N4BP3: variants seen among roughly 807,000 people sequenced by gnomAD.
N4BP3 encodes NEDD4 binding protein 3, also known as NEDD4-binding protein 3.
N4BP3 carries 33 observed loss-of-function variants against 43.8 expected under a neutral mutation model. That is an observed-to-expected ratio of 0.75 (90% confidence interval 0.57 to 1.01). N4BP3 has a LOEUF of 1.01. Ranked by LOEUF, N4BP3 falls within the 50% of genes least tolerant of loss-of-function variation. The probability of loss-of-function intolerance (pLI) is 0.00; values close to 1 mark genes in which losing one functional copy is unlikely to be tolerated. For synonymous variants in N4BP3, 326 were observed against 321.9 expected (o/e 1.01, Z -0.14); for missense variants, 756 against 744.2 (o/e 1.02, Z -0.18).
chr5:178,120,341 G>C lies in N4BP3; in HGVS notation c.494G>C (p.Ser165Thr), dbSNP rs541231258. The C allele has an allele frequency of 8.2e-5, 132 of 1,607,290 alleles. No individual in the cohort carries two copies. Among genetic ancestry groups the C allele is most frequent in the Non-Finnish European group, 1.1e-4 (126 of 1,176,102 alleles). ...HPPLSPGPRA[S>T]QARAQLLHAL... is the part of the protein sequence containing the mutation. Reference sequence around the variant, plus strand: ...CCCCTGAGCCCCGGGCCCCGGGCCAGCCAGGCCCGGGCACAGCTGCTGCAC... The same window carrying C: ...CCCCTGAGCCCCGGGCCCCGGGCCACCCAGGCCCGGGCACAGCTGCTGCAC... Residue 165 changes from serine to threonine, a missense_variant, in exon 3 of 5, where the codon AGC (serine) becomes ACC (threonine). Coordinates refer to ENST00000274605, the MANE Select transcript of N4BP3 (RefSeq NM_015111.2).
At position 178,120,622 on chromosome 5, in the gene N4BP3, G is replaced by GGAGCC; in HGVS notation, c.777_781dup (p.Val261GlufsTer39). On this transcript the variant is annotated frameshift_variant, in exon 3 of 5. Coordinates refer to ENST00000274605, the MANE Select transcript of N4BP3 (RefSeq NM_015111.2). LOFTEE classifies it high-confidence loss of function. ...CTCCTGCTCCTCTGCCGAGGAAATGGGAGCCGTGCTGCCCGAGACCTGTGA... is the reference window on the plus strand; with the variant it reads ...CTCCTGCTCCTCTGCCGAGGAAATGGGAGCCGAGCCGTGCTGCCCGAGACCTGTGA... 6.2e-7 allele frequency: 1 copy of GGAGCC among 1,610,274 alleles called. No individual in the cohort carries two copies. The highest frequency in any genetic ancestry group is 8.5e-7 in the Non-Finnish European group (1 of 1,179,958).
Position 178,115,661 on chromosome 5 carries a change from G to A in N4BP3, c.-31+1890G>A, listed in dbSNP as rs1372907993. Among the ~76,000 whole-genome samples the A allele has an allele frequency of 3.3e-5, 5 of 152,336 alleles. No homozygotes were observed. The South Asian group carries it at 1.0e-3, about 32-fold the overall frequency. On this transcript the variant is annotated intron_variant, in intron 1 of 4. Transcript: ENST00000274605. ...CTCAGTTTCCTCTTGTGAAGTGGGGGATGACAGAACTCATCTCCTGTGTGT... is the reference window on the plus strand; with the variant it reads ...CTCAGTTTCCTCTTGTGAAGTGGGGAATGACAGAACTCATCTCCTGTGTGT...
intron 3 of N4BP3, 117 bp downstream of exon 3, chr5:178,120,816 G>C: frequency 7.3e-7 from 1 of 1,369,426 alleles, no homozygotes; most frequent in Non-Finnish European, 9.6e-7. Flanking sequence ...AGCAAGAAAG[G>C]GGGAGCTGGC....
At position 178,119,917 on chromosome 5, in the gene N4BP3, C is replaced by T. The variant is rs200871039; in HGVS notation, c.330+4C>T. On this transcript the variant is annotated splice_donor_region_variant and intron_variant, in intron 2 of 4. Transcript: ENST00000274605. The stretch of plus-strand genomic sequence containing the variant: ...AGAACGGGGTCGCTTTGACAAGGTG[C>T]ACCTTTGCCCATGCCCCTTACAAGG... 17 of 1,593,794 alleles carry T rather than the reference C, an allele frequency of 1.1e-5. 1 individual carries two copies. In the East Asian group the frequency reaches 1.6e-4, roughly 15 times the overall value.
In N4BP3 at chr5:178,121,934, AGGAACTGCG is replaced by A; in HGVS notation, c.1571_1579del (p.Glu524_Arg526del). 6.2e-7 allele frequency: 1 copy of A among 1,612,250 alleles called. No homozygotes were observed. The highest frequency in any genetic ancestry group is 8.5e-7 in the Non-Finnish European group (1 of 1,179,840). On this transcript the variant is annotated inframe_deletion, in exon 5 of 5. Transcript: ENST00000274605. ...TACCGCCGCAACCAGGCACTGGAGC[AGGAACTGCG>A]GGCACTGCGGGAGCCCCCCACACCC...
chr5:178,117,578 TC>T (rs1360394128), intron 1 of N4BP3, among the ~76,000 whole-genome samples: 1 of 129,678 alleles, frequency 7.7e-6, no homozygotes, highest in Non-Finnish European at 1.5e-5. Flanking sequence ...ACTACTGTAG[TC>T]CAGCCTGGGT....
At position 178,124,649 on chromosome 5, in the gene N4BP3, A is replaced by C. The variant is rs1758013366; in HGVS notation, c.*2648A>C. 6.5e-6 allele frequency: 1 copy of C among 153,050 alleles called. No individual in the cohort carries two copies. The highest frequency in any genetic ancestry group is 1.5e-5 in the Non-Finnish European group (1 of 68,868). 9.5% of individuals were successfully genotyped at this position (153,050 alleles called of 1,614,324 possible). On this transcript the variant is annotated 3_prime_UTR_variant, in exon 5 of 5. Transcript: ENST00000274605. ...CTGCCTCTGGGGCCTCCAGTCCTTC[A>C]CTCAGTGTCATCCCTTCCAGCAGCT...
chr5:178,121,084 C>A lies in N4BP3; in HGVS notation c.853-14C>A, dbSNP rs7712666. The A allele has an allele frequency of 0.27, 425,087 of 1,592,938 alleles. 59,509 individuals carry two copies. Among genetic ancestry groups the A allele is most frequent in the Admixed American group, 0.41 (24,501 of 59,318 alleles). On this transcript the variant is annotated splice_polypyrimidine_tract_variant and intron_variant, in intron 3 of 4. Coordinates refer to ENST00000274605, the MANE Select transcript of N4BP3 (RefSeq NM_015111.2). ...GGGCAGGGCCACGGTGGATGCATCT[C>A]TTCCCCTTGACAGGTGCTGGAGGAG...
At chr5:178,114,328 C>T (rs1371337197) in intron 1 of N4BP3, among the ~76,000 whole-genome samples, 1 of 152,212 alleles carries the variant, frequency 6.6e-6, no homozygotes, top group Non-Finnish European at 1.5e-5. Context: ...CCCATGAGAT[C>T]TCTCGCTTCC....
Position 178,119,560 on chromosome 5 carries a change from C to T in N4BP3, c.-24C>T. 1 of 1,512,368 alleles carries T rather than the reference C, an allele frequency of 6.6e-7. No individual in the cohort carries two copies. Among genetic ancestry groups the T allele is most frequent in the South Asian group, 1.3e-5 (1 of 74,598 alleles). 93.7% of individuals were successfully genotyped at this position (1,512,368 alleles called of 1,614,324 possible). A position where few individuals can be genotyped will look rare whatever the true frequency, so the allele number is the denominator to read the frequency against. On this transcript the variant is annotated 5_prime_UTR_variant, in exon 2 of 5. Coordinates refer to ENST00000274605, the MANE Select transcript of N4BP3 (RefSeq NM_015111.2). ...GGAGCCTCCCAATTCCCAGAAGCAG[C>T]TGCCTGTACCCTGTTGAAACTTCAT... is the stretch of plus-strand genomic sequence containing the variant.
intron 1 of N4BP3, among the ~76,000 whole-genome samples, chr5:178,114,554 G>A (rs191572903): frequency 9.9e-5 from 15 of 152,244 alleles, no homozygotes; most frequent in African/African-American, 3.4e-4. Flanking sequence ...CCTCCCACTG[G>A]GCCACCCCCC....
In N4BP3 at chr5:178,121,962, C is replaced by G; in HGVS notation, c.1596C>G (p.Pro532=). 6.2e-7 allele frequency: 1 copy of G among 1,609,224 alleles called. No homozygotes were observed. Among genetic ancestry groups the G allele is most frequent in the Non-Finnish European group, 8.5e-7 (1 of 1,178,170 alleles). The change falls in exon 5 of 5, where the codon CCC becomes CCG. Residue 532 remains proline, a synonymous_variant. Coordinates refer to ENST00000274605, the MANE Select transcript of N4BP3 (RefSeq NM_015111.2). ...AACTGCGGGCACTGCGGGAGCCCCC[C>G]ACACCCTGGAGTCCCCGGCTCGAGT... ...EQELRALREP[P]TPWSPRLESS...
intron 3 of N4BP3, 123 bp downstream of exon 3, chr5:178,120,822 C>G: frequency 7.5e-7 from 1 of 1,337,952 alleles, no homozygotes; most frequent in Non-Finnish European, 9.9e-7. Flanking sequence ...AAAGGGGGAG[C>G]TGGCTTGGCT....
intron 1 of N4BP3, among the ~76,000 whole-genome samples, chr5:178,115,942 C>T (rs1757762827): frequency 6.6e-6 from 1 of 152,180 alleles, no homozygotes; most frequent in South Asian, 2.1e-4. Flanking sequence ...AGAGGCCTTA[C>T]TGGGGCTAGC....
intron 1 of N4BP3, among the ~76,000 whole-genome samples, chr5:178,114,732 C>T (rs1288089539): frequency 1.3e-5 from 2 of 152,192 alleles, no homozygotes; most frequent in Admixed American, 6.5e-5. Flanking sequence ...TGAATGAATG[C>T]GGCCAGCCTG....
Position 178,120,557 on chromosome 5 carries a change from T to C in N4BP3, c.710T>C (p.Val237Ala), listed in dbSNP as rs750165967. The change falls in exon 3 of 5, where the codon GTG (valine) becomes GCG (alanine). Residue 237 changes from valine (V) to alanine (A), a missense_variant. By Grantham distance (64) the Val-to-Ala change is moderately conservative (BLOSUM62 0). Coordinates refer to ENST00000274605, the MANE Select transcript of N4BP3 (RefSeq NM_015111.2). ...QGPKEAGPPA[V>A]LSCLPEPPPP... ...CCCAAGGAGGCTGGGCCACCAGCTG[T>C]GCTGAGCTGCCTGCCCGAGCCACCA... 9 of 1,612,884 alleles carry C rather than the reference T, an allele frequency of 5.6e-6. No individual in the cohort carries two copies. The African/African-American group carries it at 1.1e-4, about 19-fold the overall frequency.
intron 1 of N4BP3, among the ~76,000 whole-genome samples, chr5:178,116,358 G>T (rs899760806): frequency 6.9e-6 from 1 of 144,938 alleles, no homozygotes; most frequent in East Asian, 2.1e-4. Flanking sequence ...AAAGCTGGGG[G>T]CCCCCGCCCT....
chr5:178,121,237 G>A lies in N4BP3; in HGVS notation c.992G>A (p.Arg331Gln). The A allele has an allele frequency of 1.2e-6, 2 of 1,604,056 alleles. No individual in the cohort carries two copies. The highest frequency in any genetic ancestry group is 1.1e-5 in the South Asian group (1 of 90,304). Residue 331 changes from arginine (R) to glutamine (Q), a missense_variant, in exon 4 of 5, where the codon CGG (arginine) becomes CAG (glutamine). Coordinates refer to ENST00000274605, the MANE Select transcript of N4BP3 (RefSeq NM_015111.2). ...LQLFMAQQEQ[R>Q]RLRKELRAQQ... ...CTGTTTATGGCTCAGCAGGAGCAGC[G>A]GCGCCTGCGCAAGGAGCTGCGGGCT...
chr5:178,115,809 T>C (rs928849233), intron 1 of N4BP3, among the ~76,000 whole-genome samples: 2 of 152,224 alleles, frequency 1.3e-5, no homozygotes, highest in African/African-American at 4.8e-5. Flanking sequence ...CAGCTGTGTC[T>C]TCCATCTCCA....
Sources: gnomAD v4.1 joint callset for allele counts (sites outside exome capture counted in the v4.1 genomes callset) on GRCh38, gnomAD v4.1.1 for gene constraint, MANE v1.5 for transcripts, NCBI Gene and HGNC (gene_info 2026-07-23, HGNC 2026-07-21) for gene names.